Variants in PTBP3 observed in about 807,000 individuals in gnomAD.
PTBP3 encodes polypyrimidine tract binding protein 3.
Under a neutral mutation model 58.7 loss-of-function variants are expected in PTBP3, and 20 were observed. The observed-to-expected ratio is 0.34, with a 90% CI of 0.24 to 0.50. The LOEUF is 0.50. PTBP3 is among the 20% of genes least tolerant of loss of function. PTBP3 has a pLI of 0.98. For synonymous variants in PTBP3, 185 were observed against 219.8 expected (o/e 0.84, Z 1.40); for missense variants, 509 against 637.2 (o/e 0.80, Z 2.17).
At chr9:112,331,777 G>C (rs1207110746) in intron 1 of PTBP3, among the ~76,000 whole-genome samples, 2 of 152,264 alleles carry the variant, frequency 1.3e-5, no homozygotes, top group East Asian at 3.9e-4. Flanking sequence ...ACCACAAATA[G>C]CGTGAAGGGA....
intron 1 of PTBP3, among the ~76,000 whole-genome samples, chr9:112,298,190 A>C (rs1275556733): frequency 2.0e-5 from 3 of 152,226 alleles, no homozygotes; most frequent in Non-Finnish European, 2.9e-5. Flanking sequence ...ATAACATCTG[A>C]AAGTGCCAAA....
intron 7 of PTBP3, among the ~76,000 whole-genome samples, chr9:112,243,833 C>T (rs563120415): frequency 3.5e-4 from 53 of 152,204 alleles, no homozygotes; most frequent in Middle Eastern, 6.8e-3. Flanking sequence ...TCTTCACAAC[C>T]CTACCAGTTA....
intron 3 of PTBP3, among the ~76,000 whole-genome samples, chr9:112,272,205 G>A (rs140330106): frequency 6.6e-6 from 1 of 151,990 alleles, no homozygotes; most frequent in Non-Finnish European, 1.5e-5. Flanking sequence ...TGGGACTACA[G>A]GTGGGTGCCG....
At chr9:112,250,472 G>A (rs937297904) in intron 7 of PTBP3, among the ~76,000 whole-genome samples, 3 of 139,816 alleles carry the variant, frequency 2.1e-5, no homozygotes, top group African/African-American at 7.3e-5. Context: ...TGGAAGTTCT[G>A]AAGTTTAGGA....
At chr9:112,353,450 T>C in the PTBP3 span, among the ~76,000 whole-genome samples, 1 of 150,458 alleles carries the variant, frequency 6.6e-6, no homozygotes, top group Non-Finnish European at 1.5e-5. Flanking sequence ...TTCACCATGT[T>C]GGCCAGGCTT....
intron 1 of PTBP3, chr9:112,332,885 G>T (rs1564471396): frequency 1.2e-6 from 2 of 1,606,232 alleles, no homozygotes; most frequent in South Asian, 1.1e-5. Context: ...AAGCGTTAAC[G>T]TATCTCACAG....
chr9:112,257,657 T>A (rs986574118), intron 5 of PTBP3, among the ~76,000 whole-genome samples: 1 of 152,172 alleles, frequency 6.6e-6, no homozygotes, highest in Non-Finnish European at 1.5e-5. Flanking sequence ...AGTGTATTCA[T>A]GGCGAGGCGC....
Position 112,274,959 on chromosome 9 carries a change from G to A in PTBP3, c.204+885C>T, listed in dbSNP as rs118081440. Among the ~76,000 whole-genome samples, 571 of 152,208 alleles carry A rather than the reference G, an allele frequency of 3.8e-3. 1 individual carries two copies. The highest frequency in any genetic ancestry group is 6.8e-3 in the Non-Finnish European group (461 of 68,016). On this transcript the variant is annotated intron_variant, in intron 3 of 13. Coordinates refer to ENST00000374257, the MANE Select transcript of PTBP3 (RefSeq NM_001163788.4). ...CCCAATGTTAACAAATTCACTTTTT[G>A]AACAATTGTCACTTCCTTGTTCCCA...
chr9:112,356,874 CTTTTT>C, the PTBP3 span, among the ~76,000 whole-genome samples: 17 of 91,528 alleles, frequency 1.9e-4, no homozygotes, highest in African/African-American at 6.6e-4. Context: ...TCATTTCCCT[CTTTTT>C]TTTTTTTTTT....
chr9:112,222,998 A>G lies in PTBP3; in HGVS notation c.*853T>C. The G allele has an allele frequency of 1.2e-6, 1 of 847,724 alleles. No homozygotes were observed. Among genetic ancestry groups the G allele is most frequent in the Non-Finnish European group, 1.4e-6 (1 of 704,342 alleles). The allele number at this position is 847,724 out of a possible 1,614,324, so 52.5% of individuals were successfully genotyped here. A position where few individuals can be genotyped will look rare whatever the true frequency, so the allele number is the denominator to read the frequency against. On this transcript the variant is annotated 3_prime_UTR_variant, in exon 14 of 14. Coordinates refer to ENST00000374257, the MANE Select transcript of PTBP3 (RefSeq NM_001163788.4). ...ACTTTTTTTCTGAAAACAATTATAA[A>G]AAAGTAGTTTATAAGTAGGATTATT... is the stretch of plus-strand genomic sequence containing the variant.
At chr9:112,355,751 T>C in the PTBP3 span, among the ~76,000 whole-genome samples, 1 of 151,128 alleles carries the variant, frequency 6.6e-6, no homozygotes, top group African/African-American at 2.4e-5. Flanking sequence ...TCCTGAGTAG[T>C]TGTGATTACA....
chr9:112,279,797 T>G (rs2132224981), intron 2 of PTBP3, among the ~76,000 whole-genome samples: 1 of 152,318 alleles, frequency 6.6e-6, no homozygotes, highest in Non-Finnish European at 1.5e-5. Flanking sequence ...CTGCATTTAT[T>G]TAGATCTTTT....
At chr9:112,278,214 C>T (rs1304705026) in intron 2 of PTBP3, among the ~76,000 whole-genome samples, 1 of 152,142 alleles carries the variant, frequency 6.6e-6, no homozygotes, top group East Asian at 1.9e-4. Flanking sequence ...TGACTTGACA[C>T]TGACAATGTA....
intron 2 of PTBP3, among the ~76,000 whole-genome samples, chr9:112,288,890 C>G (rs567097254): frequency 6.6e-6 from 1 of 152,276 alleles, no homozygotes; most frequent in Admixed American, 6.5e-5. Flanking sequence ...GCATTTCTTG[C>G]TATGAAAAGC....
chr9:112,316,421 A>G (rs1829704363), intron 1 of PTBP3, among the ~76,000 whole-genome samples: 1 of 152,202 alleles, frequency 6.6e-6, no homozygotes, highest in African/African-American at 2.4e-5. Context: ...GCTTCCAGTA[A>G]GGCCTTTAGC....
chr9:112,299,849 A>G (rs1413214284), intron 1 of PTBP3, among the ~76,000 whole-genome samples: 3 of 152,254 alleles, frequency 2.0e-5, no homozygotes, highest in African/African-American at 4.8e-5. Flanking sequence ...TCCCTCTGAA[A>G]TAAGAGCATA....
intron 7 of PTBP3, among the ~76,000 whole-genome samples, chr9:112,249,189 G>A (rs931765384): frequency 6.6e-6 from 1 of 152,076 alleles, no homozygotes. Context: ...TTGGGACTGT[G>A]GTTATCTTGG....
In PTBP3 at chr9:112,254,162, G is replaced by A. The variant is rs1053740499; in HGVS notation, c.517-1374C>T. Among the ~76,000 whole-genome samples the A allele has an allele frequency of 3.3e-5, 5 of 151,816 alleles. 1 individual carries two copies. The highest frequency in any genetic ancestry group is 1.3e-4 in the Admixed American group (2 of 15,250). On this transcript the variant is annotated intron_variant, in intron 5 of 13. Transcript: ENST00000374257. ...ATCTGGCTAATTTTTTATTTTTAAG[G>A]TTTTATAGAGATGAGGTCTCACTAT...
chr9:112,243,147 A>C (rs1208532515), intron 7 of PTBP3, among the ~76,000 whole-genome samples: 1 of 151,248 alleles, frequency 6.6e-6, no homozygotes, highest in Non-Finnish European at 1.5e-5. Flanking sequence ...AAAAAAAAAA[A>C]CAGTTTTCAG....
Sources: allele counts gnomAD v4.1 joint callset (sites outside exome capture counted in the v4.1 genomes callset), GRCh38; gene constraint gnomAD v4.1.1; transcripts MANE v1.5; gene names NCBI Gene and HGNC (gene_info 2026-07-23, HGNC 2026-07-21).